The following ERI2 variants were observed in gnomAD, a reference collection of about 807,000 sequenced individuals.
The protein encoded by ERI2 is ERI1 exoribonuclease family member 2, also known as ERI1 exoribonuclease 2.
In ERI2, 35 loss-of-function variants were observed where a neutral mutation model predicts 46.8. The observed-to-expected ratio is 0.75, with a 90% CI of 0.57 to 0.99. The LOEUF (loss-of-function observed/expected upper bound fraction) is 0.99, where lower values mean the gene tolerates loss of function less well. Ranked by LOEUF, ERI2 falls within the 50% of genes least tolerant of loss-of-function variation. The probability of loss-of-function intolerance (pLI) is 0.00; values close to 1 mark genes in which losing one functional copy is unlikely to be tolerated. For synonymous variants in ERI2, 224 were observed against 271.0 expected, an observed-to-expected ratio of 0.83 and a Z score of 1.70; for missense variants, 695 against 796.2, an observed-to-expected ratio of 0.87 and a Z score of 1.53.
At chr16:20,786,080 G>C in intron 10 of ERI2, 2 of 1,584,582 alleles carry the variant, frequency 1.3e-6, no homozygotes, top group Non-Finnish European at 1.7e-6. Flanking sequence ...TTAACTAGGT[G>C]CTAATCTGTG....
intron 10 of ERI2, among the ~76,000 whole-genome samples, chr16:20,782,830 T>C (rs918396905): frequency 2.6e-5 from 4 of 152,152 alleles, no homozygotes; most frequent in African/African-American, 9.7e-5. Flanking sequence ...ATAAAAGATA[T>C]GATAAAAGTT....
At position 20,788,897 on chromosome 16, in the gene ERI2, A is replaced by T. The variant is rs138571798; in HGVS notation, c.894+582T>A. ...TTTTTATTTGCAAGAGCTTAAAGAG[A>T]AGTTTTTACGCTTAGAATTCCTTTG... On this transcript the variant is annotated intron_variant, in intron 10 of 10. Coordinates refer to the ERI2 transcript ENST00000300005. Among the ~76,000 whole-genome samples, 59 of 152,274 alleles carry T rather than the reference A, an allele frequency of 3.9e-4. No individual in the cohort carries two copies. In the East Asian group the frequency reaches 0.011, roughly 28 times the overall value.
At chr16:20,792,331 G>C (rs1483775899), downstream of ERI2, 1 of 1,613,844 alleles carries the variant, frequency 6.2e-7, no homozygotes, top group African/African-American at 1.3e-5. Context: ...CCCATCAGAG[G>C]AGAGGTAAAA....
chr16:20,780,333 T>G, exon 11 of ERI2: 1 of 348,408 alleles, frequency 2.9e-6, no homozygotes, highest in Non-Finnish European at 5.3e-6. Flanking sequence ...AAAAATCACA[T>G]TTTAAAGCAT....
chr16:20,780,951 A>G (rs912337898), intron 10 of ERI2: 13 of 1,613,772 alleles, frequency 8.1e-6, no homozygotes, highest in Non-Finnish European at 1.1e-5. Context: ...TATGTACATC[A>G]GGGCTACTCT....
At chr16:20,792,223 T>C (rs750243779), downstream of ERI2, 6 of 1,614,112 alleles carry the variant, frequency 3.7e-6, no homozygotes, top group South Asian at 1.1e-5. Context: ...ATTCCTGCCA[T>C]ATGTGTTTCT....
rs1409061546 is a variant in ERI2, at chr16:20,797,751, CA to C, written c.2048del (p.Leu683Ter). 7 of 1,549,170 alleles carry C rather than the reference CA, an allele frequency of 4.5e-6. No individual in the cohort carries two copies. The African/African-American group carries it at 9.6e-5, about 21-fold the overall frequency. Reference protein sequence around the residue: ...RNLSISTKNSLRLRPSMRN With the variant: ...RNLSISTKNSXRLRPSMRN ...AATTCCTCATTGAAGGCCTGAGTCT[CA>C]AAGAATTTTTGGTGGAAATACTTAA... On this transcript the variant is annotated frameshift_variant, in exon 9 of 9. Transcript: ENST00000357967. LOFTEE classifies it high-confidence loss of function.
chr16:20,789,553 C>T (rs1355845922), exon 10 of ERI2: 1 of 1,609,812 alleles, frequency 6.2e-7, no homozygotes, highest in African/African-American at 1.3e-5. Flanking sequence ...CTGTAGGTTC[C>T]ACAGCTAAAC....
At chr16:20,792,825 T>G, downstream of ERI2, 1 of 547,444 alleles carries the variant, frequency 1.8e-6, no homozygotes, top group South Asian at 8.0e-5. Context: ...GGAAATAAAC[T>G]CTGAATAACA....
At position 20,797,044 on chromosome 16, in the gene ERI2, T is replaced by C; in HGVS notation, c.*680A>G. 20 of 1,553,820 alleles carry C rather than the reference T, an allele frequency of 1.3e-5. No homozygotes were observed. The highest frequency in any genetic ancestry group is 1.6e-5 in the Non-Finnish European group (19 of 1,155,892). On this transcript the variant is annotated 3_prime_UTR_variant, in exon 9 of 9. Coordinates refer to ENST00000357967, the MANE Select transcript of ERI2 (RefSeq NM_001142725.2). ...TCAATCTCTAGAAACCACAAGATGA[T>C]GGAGAGGTCATAAAAACTGTGGTAG...
rs537932144 is a variant in ERI2 at position 20,785,050 on chromosome 16, A to G, written c.895-4316T>C. ...AACCAATTACCCCTGACGTGACTGA[A>G]AAATGGAGAAACAAGACGGGCCTGG... On this transcript the variant is annotated intron_variant, in intron 10 of 10. Transcript: ENST00000300005. The G allele has an allele frequency of 1.9e-6, 3 of 1,613,822 alleles. No homozygotes were observed. In the Admixed American group the frequency reaches 5.0e-5, roughly 27 times the overall value.
rs201453644 is a variant in ERI2 at position 20,790,632 on chromosome 16, G to A, written c.815+218C>T. 80 of 1,614,142 alleles carry A rather than the reference G, an allele frequency of 5.0e-5. No homozygotes were observed. The Admixed American group carries it at 1.1e-3, about 22-fold the overall frequency. On this transcript the variant is annotated intron_variant, in intron 9 of 10. Transcript: ENST00000300005. This position sits in a 1 kb window ranked among gnomAD's most constrained non-coding sequence, Gnocchi z 4.0. ...TGTTCTACCTCCTGGACAAGAAGGA[G>A]ATATTGGCATTCAAGTTCTACCCAA...
chr16:20,780,703 T>C (rs763848035), exon 11 of ERI2: 1 of 1,614,212 alleles, frequency 6.2e-7, no homozygotes, highest in Admixed American at 1.7e-5. Context: ...ATTGTAGTTT[T>C]TCCTTTGCAG....
At chr16:20,786,970 C>T (rs936195726) in intron 10 of ERI2, among the ~76,000 whole-genome samples, 4 of 152,186 alleles carry the variant, frequency 2.6e-5, no homozygotes, top group Non-Finnish European at 5.9e-5. Flanking sequence ...GCAGCACTTT[C>T]CCTCTCTGCT....
chr16:20,806,261 C>T (rs1369056978), intron 1 of ERI2, 147 bp downstream of exon 1: 5 of 1,419,472 alleles, frequency 3.5e-6, no homozygotes, highest in Non-Finnish European at 4.6e-6. Context: ...CCTTTCCAAC[C>T]GTGCCAGAGA....
intron 1 of ERI2, 87 bp downstream of exon 1, chr16:20,806,321 G>A: frequency 6.6e-7 from 1 of 1,523,024 alleles, no homozygotes; most frequent in Non-Finnish European, 8.8e-7. Flanking sequence ...CCTCACCGCA[G>A]ATGCCACCTG....
chr16:20,786,725 C>G (rs1467326343), intron 10 of ERI2, among the ~76,000 whole-genome samples: 1 of 152,090 alleles, frequency 6.6e-6, no homozygotes, highest in Non-Finnish European at 1.5e-5. Flanking sequence ...AGAAGAAACC[C>G]TATGAGAAGC....
At chr16:20,802,741 T>C in intron 4 of ERI2, 55 bp downstream of exon 4, 3 of 1,556,456 alleles carry the variant, frequency 1.9e-6, no homozygotes, top group Non-Finnish European at 1.7e-6. Context: ...AATGGTATAA[T>C]AACTTTTATT....
chr16:20,789,675 T>A, intron 9 of ERI2: 1 of 596,894 alleles, frequency 1.7e-6, no homozygotes, highest in Non-Finnish European at 2.9e-6. Context: ...ATAAAGCAAC[T>A]CTATTTTTCT....
Sources: allele counts gnomAD v4.1 joint callset (sites outside exome capture counted in the v4.1 genomes callset), GRCh38; gene constraint gnomAD v4.1.1; non-coding constraint Gnocchi (gnomAD v3.1); transcripts MANE v1.5; gene names NCBI Gene and HGNC (gene_info 2026-07-23, HGNC 2026-07-21).